FAF1: variants seen among roughly 807,000 people sequenced by gnomAD.
FAF1 encodes FAS-associated factor 1.
FAF1 carries 25 observed loss-of-function variants against 92.5 expected under a neutral mutation model. The ratio of observed to expected loss-of-function variants is 0.27; its 90% confidence interval spans 0.20 to 0.38. The LOEUF is 0.38. FAF1 is among the 10% of genes least tolerant of loss of function. The pLI, the probability that FAF1 is intolerant of heterozygous loss-of-function variation, is 1.00. For missense variants in FAF1, 636 were observed against 793.3 expected (o/e 0.80, Z 2.38); for synonymous variants, 234 against 273.2 (o/e 0.86, Z 1.42).
rs372097232 is a variant in FAF1 at position 50,928,288 on chromosome 1, G to A, written c.45+31479C>T. On this transcript the variant is annotated intron_variant, in intron 1 of 18. Coordinates refer to ENST00000396153, the MANE Select transcript of FAF1 (RefSeq NM_007051.3). ...AAGTCAACTTCTACTATAAATAATA[G>A]AATGGAAAAGTCTAAGAAAGTAATA... Among the ~76,000 whole-genome samples, 17 of 152,236 alleles carry A rather than the reference G, an allele frequency of 1.1e-4. No individual in the cohort carries two copies. In the South Asian group the frequency reaches 2.9e-3, roughly 26 times the overall value.
At chr1:50,901,404 A>G (rs1644795020) in intron 1 of FAF1, among the ~76,000 whole-genome samples, 1 of 152,140 alleles carries the variant, frequency 6.6e-6, no homozygotes, top group Non-Finnish European at 1.5e-5. Flanking sequence ...ATTAAAGCCA[A>G]ATGTTACAGG....
intron 6 of FAF1, among the ~76,000 whole-genome samples, chr1:50,717,353 A>T (rs1164013879): frequency 6.6e-6 from 1 of 152,204 alleles, no homozygotes; most frequent in Non-Finnish European, 1.5e-5. Flanking sequence ...GAAGAGAAAG[A>T]CAGATAAGAG....
intron 1 of FAF1, among the ~76,000 whole-genome samples, chr1:50,870,101 A>AT (rs1644515107): frequency 6.6e-6 from 1 of 152,236 alleles, no homozygotes; most frequent in South Asian, 2.1e-4. Context: ...ATTTGACAGA[A>AT]TTTTGTATAA....
intron 3 of FAF1, among the ~76,000 whole-genome samples, chr1:50,801,368 A>G (rs1661981358): frequency 6.6e-6 from 1 of 152,242 alleles, no homozygotes; most frequent in South Asian, 2.1e-4. Flanking sequence ...CTTATAAATC[A>G]AAGGATAAGC....
At chr1:50,850,483 T>A (rs775836504) in intron 2 of FAF1, among the ~76,000 whole-genome samples, 1 of 152,168 alleles carries the variant, frequency 6.6e-6, no homozygotes, top group Admixed American at 6.5e-5. Context: ...ATTTACCACA[T>A]AGATAAATTT....
intron 2 of FAF1, among the ~76,000 whole-genome samples, chr1:50,838,349 T>C (rs1396787870): frequency 6.6e-6 from 1 of 151,540 alleles, no homozygotes; most frequent in Non-Finnish European, 1.5e-5. Context: ...AACTATAGTA[T>C]TAACATATAT....
chr1:50,599,441 G>C (rs1651990075), intron 8 of FAF1, among the ~76,000 whole-genome samples: 1 of 152,110 alleles, frequency 6.6e-6, no homozygotes, highest in Admixed American at 6.5e-5. Flanking sequence ...GTTAAAAAAA[G>C]CAATGGTAGG....
At chr1:50,497,843 C>G (rs563735677) in intron 15 of FAF1, among the ~76,000 whole-genome samples, 5 of 151,998 alleles carry the variant, frequency 3.3e-5, no homozygotes, top group Non-Finnish European at 7.4e-5. Context: ...CCACCGCGCC[C>G]GGGCTCAAAA....
chr1:50,720,170 T>A (rs2124452475), intron 6 of FAF1, among the ~76,000 whole-genome samples: 1 of 152,128 alleles, frequency 6.6e-6, no homozygotes, highest in East Asian at 1.9e-4. Context: ...CCCAGCTAAT[T>A]TTTGTATTTT....
chr1:50,656,270 GGC>G (rs1655107040), intron 7 of FAF1, among the ~76,000 whole-genome samples: 1 of 151,398 alleles, frequency 6.6e-6, no homozygotes, highest in South Asian at 2.1e-4. Flanking sequence ...AAGCGGAGGT[GGC>G]GGTGAGCTGA....
chr1:50,886,449 C>T (rs554310297), intron 1 of FAF1, among the ~76,000 whole-genome samples: 1 of 152,014 alleles, frequency 6.6e-6, no homozygotes, highest in African/African-American at 2.4e-5. Context: ...TAGATATGTA[C>T]ACATGTGCCA....
chr1:50,554,856 T>C (rs1649492936), intron 13 of FAF1, among the ~76,000 whole-genome samples: 1 of 152,180 alleles, frequency 6.6e-6, no homozygotes, highest in African/African-American at 2.4e-5. Flanking sequence ...CTAGAAATGT[T>C]ATACTACTTG....
intron 12 of FAF1, among the ~76,000 whole-genome samples, chr1:50,575,149 C>T (rs1199366233): frequency 1.3e-5 from 2 of 152,024 alleles, no homozygotes; most frequent in Non-Finnish European, 2.9e-5. Context: ...ACCTCGTGAT[C>T]CACCCGCCTC....
chr1:50,949,246 T>C (rs970162625), intron 1 of FAF1, among the ~76,000 whole-genome samples: 2 of 152,224 alleles, frequency 1.3e-5, no homozygotes, highest in Admixed American at 6.5e-5. Flanking sequence ...TCCAGCAACC[T>C]GTGGTTTAAC....
chr1:50,757,732 TC>T (rs1307051866), intron 4 of FAF1, among the ~76,000 whole-genome samples: 1 of 152,172 alleles, frequency 6.6e-6, no homozygotes, highest in Non-Finnish European at 1.5e-5. Context: ...TAACATGAGA[TC>T]ATTTATATGT....
At chr1:50,507,072 G>T (rs772223901) in intron 15 of FAF1, among the ~76,000 whole-genome samples, 18 of 152,146 alleles carry the variant, frequency 1.2e-4, no homozygotes, top group Admixed American at 2.6e-4. Context: ...GGTTATTCCA[G>T]GACTACTACC....
chr1:50,574,485 T>C (rs1278545540), intron 12 of FAF1, among the ~76,000 whole-genome samples: 1 of 152,178 alleles, frequency 6.6e-6, no homozygotes, highest in Non-Finnish European at 1.5e-5. Flanking sequence ...AGGAAGGATT[T>C]TTCTAACCCT....
chr1:50,952,195 T>C (rs901630232), intron 1 of FAF1, among the ~76,000 whole-genome samples: 1 of 152,224 alleles, frequency 6.6e-6, no homozygotes, highest in Admixed American at 6.5e-5. Flanking sequence ...CTCGGCTCAC[T>C]GCAACCTCCC....
chr1:50,672,019 C>CTT lies in FAF1; in HGVS notation c.658-16493_658-16492dup, dbSNP rs370154209. 8.2e-3 allele frequency among the ~76,000 whole-genome samples: 1,129 copies of CTT among 138,112 alleles called. 15 individuals carry two copies. Among genetic ancestry groups the CTT allele is most frequent in the East Asian group, 0.039 (185 of 4,742 alleles). The allele number at this position is 138,112 out of a possible 152,430, so 90.6% of individuals were successfully genotyped here. ...CACTATGTTGTCCAGGGTGGTCTTT[C>CTT]TTTTTTTTTTTTTTATTATTTATTT... On this transcript the variant is annotated intron_variant, in intron 7 of 18. Coordinates refer to ENST00000396153, the MANE Select transcript of FAF1 (RefSeq NM_007051.3).
Sources: allele counts gnomAD v4.1 joint callset (sites outside exome capture counted in the v4.1 genomes callset), GRCh38; gene constraint gnomAD v4.1.1; transcripts MANE v1.5; gene names NCBI Gene and HGNC (gene_info 2026-07-23, HGNC 2026-07-21).